The following OPRM1 variants were observed in gnomAD, a reference collection of about 807,000 sequenced individuals.
OPRM1 encodes opioid receptor mu 1.
In OPRM1, 27 loss-of-function variants were observed where a neutral mutation model predicts 31.8. The ratio of observed to expected loss-of-function variants is 0.85; its 90% CI spans 0.63 to 1.17. OPRM1 has a LOEUF of 1.17. OPRM1 is among the 50% of genes most tolerant of loss of function. The pLI is 0.00. For missense variants in OPRM1, 536 were observed against 511.1 expected, an observed-to-expected ratio of 1.05 and a Z score of -0.47; for synonymous variants, 196 against 189.9, an observed-to-expected ratio of 1.03 and a Z score of -0.26.
At chr6:154,101,721 G>C (rs1794857098) in intron 3 of OPRM1, among the ~76,000 whole-genome samples, 1 of 152,036 alleles carries the variant, frequency 6.6e-6, no homozygotes, top group Non-Finnish European at 1.5e-5. Flanking sequence ...TTTTTTTATT[G>C]TGTACCTTTT....
chr6:154,164,150 C>T lies in OPRM1; in HGVS notation c.1164+72678C>T, dbSNP rs531580804. ...TTAGACATCTACTTCAAAGGAAGAT[C>T]CTAATTTTTCATATTAAAAAATTAA... On this transcript the variant is annotated intron_variant, in intron 3 of 3. Transcript: ENST00000337049. 1.1e-3 allele frequency among the ~76,000 whole-genome samples: 175 copies of T among 152,208 alleles called. 2 individuals are homozygous for T. In the Middle Eastern group the frequency reaches 0.017, roughly 15 times the overall value.
chr6:154,152,236 G>A (rs1013954368), intron 3 of OPRM1, among the ~76,000 whole-genome samples: 24 of 123,006 alleles, frequency 2.0e-4, no homozygotes, highest in Non-Finnish European at 3.7e-4. Flanking sequence ...AAAAGAAAGA[G>A]AAAAGAAAAA....
intron 1 of OPRM1, among the ~76,000 whole-genome samples, chr6:154,028,721 T>C (rs1013963331): frequency 1.3e-5 from 2 of 152,112 alleles, no homozygotes; most frequent in African/African-American, 4.8e-5. Context: ...TCCGGTTCTG[T>C]TTTCTGTTAT....
In OPRM1 at chr6:154,168,740, G is replaced by A. The variant is rs1799634698; in HGVS notation, c.1164+77268G>A. ...CCTGTCTCAGCCTCCCAAGTAGCTG[G>A]GATTACAGGCACCTGCCACCATGCC... On this transcript the variant is annotated intron_variant, in intron 3 of 3. Coordinates refer to the OPRM1 transcript ENST00000337049. The surrounding 1 kb of genome is among the most constrained non-coding windows in gnomAD (Gnocchi z 4.1). Among the ~76,000 whole-genome samples, 2 of 151,840 alleles carry A rather than the reference G, an allele frequency of 1.3e-5. No homozygotes were observed. Among genetic ancestry groups the A allele is most frequent in the African/African-American group, 4.8e-5 (2 of 41,320 alleles).
chr6:154,079,191 C>G (rs1319979219), intron 1 of OPRM1, among the ~76,000 whole-genome samples: 1 of 152,208 alleles, frequency 6.6e-6, no homozygotes, highest in Non-Finnish European at 1.5e-5. Flanking sequence ...TCTCGCCTGA[C>G]TGGAATTCTG....
intron 3 of OPRM1, among the ~76,000 whole-genome samples, chr6:154,226,073 G>A (rs1779226227): frequency 1.3e-5 from 2 of 152,080 alleles, no homozygotes; most frequent in South Asian, 4.2e-4. Flanking sequence ...TCTTTCAGGG[G>A]TCTTGTTCTC....
chr6:154,094,136 G>T (rs970413036), intron 3 of OPRM1: 22 of 845,098 alleles, frequency 2.6e-5, no homozygotes, highest in African/African-American at 2.5e-4. Context: ...TTATGTATTT[G>T]TACTTTCTTT....
At chr6:154,242,802 C>T (rs570778246) in intron 3 of OPRM1, among the ~76,000 whole-genome samples, 18 of 152,122 alleles carry the variant, frequency 1.2e-4, no homozygotes, top group African/African-American at 4.3e-4. Flanking sequence ...GCATGAGAAT[C>T]GCTTGATCCT....
At chr6:154,205,334 C>T (rs1423814393) in intron 3 of OPRM1, among the ~76,000 whole-genome samples, 2 of 152,130 alleles carry the variant, frequency 1.3e-5, no homozygotes, top group Non-Finnish European at 2.9e-5. Flanking sequence ...GAGGCTCATG[C>T]CTGTAATCTC....
intron 3 of OPRM1, chr6:154,157,460 G>C (rs1482930140): frequency 1.3e-5 from 2 of 152,222 alleles, no homozygotes; most frequent in Admixed American, 1.3e-4. Context: ...AAAACTTCTA[G>C]GCTAATGTTC....
At position 154,127,261 on chromosome 6, in the gene OPRM1, T is replaced by C. The variant is rs114681283; in HGVS notation, c.*8540T>C. Among the ~76,000 whole-genome samples the C allele has an allele frequency of 0.012, 1,877 of 152,264 alleles. 37 individuals are homozygous for C. The highest frequency in any genetic ancestry group is 0.043 in the African/African-American group (1,800 of 41,536). ...TGTTCTGAGATGTCATGCTTTGAAATCAGTGGCCATTATCATCTAAGGATT... is the reference window on the plus strand; with the variant it reads ...TGTTCTGAGATGTCATGCTTTGAAACCAGTGGCCATTATCATCTAAGGATT... On this transcript the variant is annotated 3_prime_UTR_variant, in exon 4 of 4. Transcript: ENST00000330432.
At chr6:154,227,942 C>T (rs1194334354) in intron 3 of OPRM1, among the ~76,000 whole-genome samples, 1 of 151,262 alleles carries the variant, frequency 6.6e-6, no homozygotes, top group East Asian at 1.9e-4. Context: ...TATTCAAAAT[C>T]ACAGATAATT....
chr6:154,081,517 A>G (rs567303578), intron 1 of OPRM1, among the ~76,000 whole-genome samples: 4 of 148,666 alleles, frequency 2.7e-5, no homozygotes, highest in African/African-American at 4.9e-5. Context: ...AAATAAATAA[A>G]TAAATGAAAG....
chr6:154,021,479 G>T (rs1281964621), intron 1 of OPRM1, among the ~76,000 whole-genome samples: 3 of 152,124 alleles, frequency 2.0e-5, no homozygotes, highest in Non-Finnish European at 4.4e-5. Flanking sequence ...AAATCAGTTT[G>T]TTGATATTCA....
intron 1 of OPRM1, among the ~76,000 whole-genome samples, chr6:154,062,164 G>A (rs1784554853): frequency 6.6e-6 from 1 of 151,910 alleles, no homozygotes; most frequent in Non-Finnish European, 1.5e-5. Flanking sequence ...CTGTCCAATA[G>A]CATAAGGAAA....
At chr6:154,056,376 CCTCCCAAAGTG>C (rs1783293342) in intron 1 of OPRM1, among the ~76,000 whole-genome samples, 1 of 151,952 alleles carries the variant, frequency 6.6e-6, no homozygotes, top group Non-Finnish European at 1.5e-5. Context: ...CCCGCCTCAG[CCTCCCAAAGTG>C]CTGGGATTAC....
chr6:154,068,019 G>A (rs1439980207), intron 1 of OPRM1, among the ~76,000 whole-genome samples: 1 of 151,878 alleles, frequency 6.6e-6, no homozygotes, highest in African/African-American at 2.4e-5. Flanking sequence ...TTTGGATATT[G>A]TCTACTGTAC....
Position 154,039,474 on chromosome 6 carries a change from C to T in OPRM1, c.-71C>T, listed in dbSNP as rs1465337438. On this transcript the variant is annotated 5_prime_UTR_variant, in exon 1 of 4. Coordinates refer to ENST00000330432, the MANE Select transcript of OPRM1 (RefSeq NM_000914.5). Reference sequence around the variant, plus strand: ...CAGCGGCGAAAGGAAGCGGCTGAGGCGCTTGGAACCCGAAAAGTCTCGGTG... The same window carrying T: ...CAGCGGCGAAAGGAAGCGGCTGAGGTGCTTGGAACCCGAAAAGTCTCGGTG... 18 of 1,555,618 alleles carry T rather than the reference C, an allele frequency of 1.2e-5. No homozygotes were observed. The Admixed American group carries it at 3.5e-4, about 30-fold the overall frequency.
intron 3 of OPRM1, among the ~76,000 whole-genome samples, chr6:154,240,161 A>T (rs895427675): frequency 3.9e-5 from 6 of 152,252 alleles, no homozygotes; most frequent in Non-Finnish European, 7.3e-5. Context: ...ATAATGCTCA[A>T]TTTAATTAGT....
Sources: allele counts gnomAD v4.1 joint callset (sites outside exome capture counted in the v4.1 genomes callset), GRCh38; gene constraint gnomAD v4.1.1; non-coding constraint Gnocchi (gnomAD v3.1); transcripts MANE v1.5; gene names NCBI Gene and HGNC (gene_info 2026-07-23, HGNC 2026-07-21).